The following SLC35F4 variants were observed in gnomAD, a reference collection of about 807,000 sequenced individuals.
SLC35F4 encodes the protein solute carrier family 35 member F4.
In SLC35F4, 24 loss-of-function variants were observed where a neutral mutation model predicts 44.2. The ratio of observed to expected loss-of-function variants is 0.54; its 90% CI spans 0.39 to 0.76. The LOEUF is 0.76. SLC35F4 is among the 30% of genes least tolerant of loss of function. The pLI, the probability that SLC35F4 is intolerant of heterozygous loss-of-function variation, is 0.00. For synonymous variants in SLC35F4, 238 were observed against 223.6 expected (o/e 1.06, Z -0.57); for missense variants, 562 against 586.1 (o/e 0.96, Z 0.42).
intron 1 of SLC35F4, among the ~76,000 whole-genome samples, chr14:57,615,356 C>CT (rs766207881): frequency 1.8e-3 from 37 of 21,020 alleles, no homozygotes; most frequent in South Asian, 2.5e-3. Flanking sequence ...AAACATTTTC[C>CT]TTTTTTTTTT....
At position 57,925,247 on chromosome 14, in the gene SLC35F4, G is replaced by A. The variant is rs570710642; in HGVS notation, n.282+56666C>T. ...TGAGATTTGAAGGGCACAAATATCCGAACTATAGCACCATTTTTATAATGT... is the reference window on the plus strand; with the variant it reads ...TGAGATTTGAAGGGCACAAATATCCAAACTATAGCACCATTTTTATAATGT... On this transcript the variant is annotated intron_variant and non_coding_transcript_variant, in intron 1 of 1. Coordinates refer to the SLC35F4 transcript ENST00000556568. Among the ~76,000 whole-genome samples, 43 of 152,106 alleles carry A rather than the reference G, an allele frequency of 2.8e-4. 1 individual carries two copies. In the South Asian group the frequency reaches 7.9e-3, roughly 28 times the overall value.
chr14:57,597,124 A>G (rs1445047604), intron 1 of SLC35F4, among the ~76,000 whole-genome samples: 2 of 152,212 alleles, frequency 1.3e-5, no homozygotes, highest in Non-Finnish European at 2.9e-5. Context: ...TCATAAATAA[A>G]TATTTCTATT....
rs1241968437 is a variant in SLC35F4 at position 57,964,987 on chromosome 14, A to ATATATATAT, written n.282+16925_282+16926insATATATATA. 5.3e-5 allele frequency among the ~76,000 whole-genome samples: 7 copies of ATATATATAT among 131,418 alleles called. No individual in the cohort carries two copies. In the East Asian group the frequency reaches 1.1e-3, roughly 21 times the overall value. The allele number at this position is 131,418 out of a possible 152,430, so 86.2% of individuals were successfully genotyped here. On this transcript the variant is annotated intron_variant and non_coding_transcript_variant, in intron 1 of 1. Coordinates refer to the SLC35F4 transcript ENST00000556568. ...GCTCCCATGGGGGAAAAAAAAAAAA[A>ATATATATAT]AAAAATATATATATATATATATATA...
chr14:57,595,419 T>G (rs567623559), intron 1 of SLC35F4, among the ~76,000 whole-genome samples: 1 of 152,298 alleles, frequency 6.6e-6, no homozygotes, highest in Admixed American at 6.5e-5. Context: ...GTTTCTCCAC[T>G]GTCTTTTTTT....
intron 1 of SLC35F4, among the ~76,000 whole-genome samples, chr14:57,933,605 G>T (rs1187157399): frequency 2.0e-5 from 3 of 152,226 alleles, no homozygotes; most frequent in Admixed American, 1.3e-4. Context: ...GTTGGCAGAA[G>T]AATCCTTTCA....
chr14:57,659,069 T>C (rs1263044296), intron 1 of SLC35F4, among the ~76,000 whole-genome samples: 3 of 152,198 alleles, frequency 2.0e-5, no homozygotes, highest in Non-Finnish European at 4.4e-5. Flanking sequence ...CTATCCCTAG[T>C]GGATCTTAAA....
At chr14:57,717,544 G>A (rs2075975173) in intron 1 of SLC35F4, among the ~76,000 whole-genome samples, 1 of 152,192 alleles carries the variant, frequency 6.6e-6, no homozygotes. Flanking sequence ...GCTGAGGCAG[G>A]AGAATGGCAT....
chr14:57,866,753 G>A (rs573568751), upstream of SLC35F4, among the ~76,000 whole-genome samples: 2 of 152,158 alleles, frequency 1.3e-5, no homozygotes, highest in South Asian at 4.1e-4. Context: ...CCTTCAAACT[G>A]TAAATATCTG....
At chr14:57,760,135 G>A (rs1436553328) in intron 1 of SLC35F4, among the ~76,000 whole-genome samples, 1 of 151,918 alleles carries the variant, frequency 6.6e-6, no homozygotes, top group African/African-American at 2.4e-5. Flanking sequence ...TTTCCCAGTT[G>A]TTATCGTCTA....
chr14:57,629,804 T>G, intron 1 of SLC35F4: 1 of 326,154 alleles, frequency 3.1e-6, no homozygotes, highest in Non-Finnish European at 6.1e-6. Flanking sequence ...TACAACTGCA[T>G]GACTGTAGAC....
chr14:57,605,576 A>G (rs940692440), intron 1 of SLC35F4, among the ~76,000 whole-genome samples: 1 of 152,210 alleles, frequency 6.6e-6, no homozygotes, highest in Non-Finnish European at 1.5e-5. Flanking sequence ...GAGTTAAACT[A>G]GAATTCAACC....
At chr14:57,769,804 G>C (rs188781799) in intron 1 of SLC35F4, among the ~76,000 whole-genome samples, 12 of 152,274 alleles carry the variant, frequency 7.9e-5, no homozygotes, top group Admixed American at 6.5e-4. Context: ...GCTTTTGAAA[G>C]AAATGAAAAT....
At chr14:57,925,557 G>A (rs1232319353) in intron 1 of SLC35F4, among the ~76,000 whole-genome samples, 1 of 149,902 alleles carries the variant, frequency 6.7e-6, no homozygotes, top group African/African-American at 2.5e-5. Flanking sequence ...AAGGAAGGAA[G>A]GAAGGATGAC....
chr14:57,575,270 G>C (rs1407940916), intron 4 of SLC35F4, among the ~76,000 whole-genome samples: 1 of 152,130 alleles, frequency 6.6e-6, no homozygotes, highest in African/African-American at 2.4e-5. Flanking sequence ...TTGAGGTCAG[G>C]AGTTCGAGAC....
Position 57,589,476 on chromosome 14 carries a change from G to C in SLC35F4, c.327C>G (p.Ser109Arg), listed in dbSNP as rs752531284. The C allele has an allele frequency of 1.1e-5, 18 of 1,613,450 alleles. No homozygotes were observed. The East Asian group carries it at 3.3e-4, about 30-fold the overall frequency. The change falls in exon 3 of 8, where the codon AGC (serine) becomes AGG (arginine). Residue 109 changes from serine to arginine, a missense_variant. Coordinates refer to ENST00000556826, the MANE Select transcript of SLC35F4 (RefSeq NM_001306087.2). ...DGTQTHSENSSQENRIKARCL... is the reference protein window; with the variant it reads ...DGTQTHSENSRQENRIKARCL... ...AGCGAGCCTTGATTCTGTTTTCTTG[G>C]CTGCTGTTCTCAGAATGAGTCTGTG... is the stretch of plus-strand genomic sequence containing the variant.
Position 57,747,554 on chromosome 14 carries a change from C to G in SLC35F4, c.103+118169G>C, listed in dbSNP as rs373469581. Among the ~76,000 whole-genome samples, 20 of 152,236 alleles carry G rather than the reference C, an allele frequency of 1.3e-4. No individual in the cohort carries two copies. In the East Asian group the frequency reaches 3.1e-3, roughly 23 times the overall value. On this transcript the variant is annotated intron_variant, in intron 1 of 7. Transcript: ENST00000556826. ...ACCATCCAGCTCCAACAATTGGCAA[C>G]CCTTGGGCAATCTTGCTCCATCTAT...
At chr14:57,689,599 T>G (rs1392795177) in intron 1 of SLC35F4, among the ~76,000 whole-genome samples, 1 of 152,062 alleles carries the variant, frequency 6.6e-6, no homozygotes, top group African/African-American at 2.4e-5. Flanking sequence ...CTTAAGAATT[T>G]TCAATGGCTA....
At chr14:57,842,674 G>A (rs770046076) in intron 1 of SLC35F4, among the ~76,000 whole-genome samples, 12 of 151,958 alleles carry the variant, frequency 7.9e-5, no homozygotes, top group East Asian at 1.9e-4. Context: ...TCTCACAGCC[G>A]GCTACTACCA....
In SLC35F4 at chr14:57,620,742, A is replaced by T. The variant is rs962732222; in HGVS notation, c.104-26618T>A. Among the ~76,000 whole-genome samples, 11 of 152,160 alleles carry T rather than the reference A, an allele frequency of 7.2e-5. 1 individual carries two copies. Among genetic ancestry groups the T allele is most frequent in the Admixed American group, 7.2e-4 (11 of 15,272 alleles). ...GAGTTTTTAGCATGAAGGGTTGTTGAATTTTGTCAAAGGCAAGACAGGGAT... is the reference window on the plus strand; with the variant it reads ...GAGTTTTTAGCATGAAGGGTTGTTGTATTTTGTCAAAGGCAAGACAGGGAT... On this transcript the variant is annotated intron_variant, in intron 1 of 7. Coordinates refer to ENST00000556826, the MANE Select transcript of SLC35F4 (RefSeq NM_001306087.2).
Sources: gnomAD v4.1 joint callset for allele counts (sites outside exome capture counted in the v4.1 genomes callset) on GRCh38, gnomAD v4.1.1 for gene constraint, MANE v1.5 for transcripts, NCBI Gene and HGNC (gene_info 2026-07-23, HGNC 2026-07-21) for gene names.